Variants in FAM32A observed in about 807,000 individuals in gnomAD.
FAM32A encodes the protein family with sequence similarity 32 member A.
A neutral mutation model predicts 15.8 loss-of-function variants in FAM32A; 9 were observed. That is an observed-to-expected ratio of 0.57 (90% CI 0.34 to 1.00). FAM32A has a LOEUF of 1.00. Among genes scored for constraint, FAM32A ranks in the 50% least tolerant of loss-of-function variants. FAM32A has a pLI of 0.02. For synonymous variants in FAM32A, 64 were observed against 54.9 expected (o/e 1.16, Z -0.73); for missense variants, 113 against 138.3 (o/e 0.82, Z 0.92).
intron 2 of FAM32A, among the ~76,000 whole-genome samples, chr19:16,189,673 T>A: frequency 9.5e-6 from 1 of 105,736 alleles, no homozygotes; most frequent in Non-Finnish European, 2.0e-5. Context: ...CAACTCTTTT[T>A]TTTTTTTTTT....
At chr19:16,185,909 G>A in intron 2 of FAM32A, 144 bp downstream of exon 2, 1 of 1,008,086 alleles carries the variant, frequency 9.9e-7, no homozygotes, top group Non-Finnish European at 1.4e-6. Flanking sequence ...GTACGTGAGT[G>A]AGAGAAGAGT....
intron 2 of FAM32A, among the ~76,000 whole-genome samples, chr19:16,188,421 T>C (rs567862926): frequency 6.6e-6 from 1 of 152,138 alleles, no homozygotes; most frequent in East Asian, 1.9e-4. Context: ...AAAGCTATAG[T>C]TTTAAAGAAG....
rs987167784 is a variant in FAM32A at position 16,191,124 on chromosome 19, T to C, written c.*169T>C. ...CCCTCATTCTGGAACTTGATTAAAG[T>C]AAGATCGTCCTTGTACTCAGTTTAG... On this transcript the variant is annotated 3_prime_UTR_variant, in exon 4 of 4. Transcript: ENST00000263384. The C allele has an allele frequency of 4.7e-6, 3 of 637,510 alleles. No homozygotes were observed. The highest frequency in any genetic ancestry group is 8.6e-6 in the Non-Finnish European group (3 of 350,128). 39.5% of individuals were successfully genotyped at this position (637,510 alleles called of 1,614,324 possible). A position where few individuals can be genotyped will look rare whatever the true frequency, so the allele number is the denominator to read the frequency against.
rs71178652 is a variant in FAM32A, at chr19:16,189,668, C to CTTTTTTTTTTTT, written c.217-837_217-826dup. ...TGGCTTTATATCCCACACTCCAACT[C>CTTTTTTTTTTTT]TTTTTTTTTTTTTTTTTTTTTTTTT... On this transcript the variant is annotated intron_variant, in intron 2 of 3. Transcript: ENST00000263384. 1.6e-3 allele frequency among the ~76,000 whole-genome samples: 91 copies of CTTTTTTTTTTTT among 58,582 alleles called. 10 individuals carry two copies. The highest frequency in any genetic ancestry group is 4.5e-3 in the African/African-American group (67 of 14,768). The allele number at this position is 58,582 out of a possible 152,430, so 38.4% of individuals were successfully genotyped here.
Position 16,188,993 on chromosome 19 carries a change from G to A in FAM32A, c.217-1527G>A, listed in dbSNP as rs138122506. 2.3e-3 allele frequency among the ~76,000 whole-genome samples: 346 copies of A among 150,994 alleles called. 5 individuals are homozygous for A. In the Middle Eastern group the frequency reaches 0.024, roughly 10 times the overall value. ...CTGCAGCATCTAAGATGGCTTTGTC[G>A]CCATATAGCTGGTGCCTCAGTGCTT... On this transcript the variant is annotated intron_variant, in intron 2 of 3. Transcript: ENST00000263384.
rs1286896497 is a variant in FAM32A, at chr19:16,191,837, G to A, written c.*882G>A. ...CAAACAGACAAGGCTGCAGTCAAATGGGAGGGTCCAGGTGTCCGTGTTGGA... is the reference window on the plus strand; with the variant it reads ...CAAACAGACAAGGCTGCAGTCAAATAGGAGGGTCCAGGTGTCCGTGTTGGA... On this transcript the variant is annotated 3_prime_UTR_variant, in exon 4 of 4. Transcript: ENST00000263384. 3 of 152,330 alleles carry A rather than the reference G, an allele frequency of 2.0e-5. No individual in the cohort carries two copies. The highest frequency in any genetic ancestry group is 4.4e-5 in the Non-Finnish European group (3 of 68,114). The allele number at this position is 152,330 out of a possible 1,614,324, so 9.4% of individuals were successfully genotyped here.
Position 16,185,454 on chromosome 19 carries a change from C to T in FAM32A, c.12C>T (p.Tyr4=), listed in dbSNP as rs761898899. 2.4e-5 allele frequency: 38 copies of T among 1,558,500 alleles called. No individual in the cohort carries two copies. The highest frequency in any genetic ancestry group is 3.0e-5 in the Non-Finnish European group (34 of 1,150,822). MEA[Y]EQVQKGPLKL... ...CACTGGAGAGTGTCATGGAGGCCTA[C>T]GAGCAGGTCCAAAAGGGACCCCTGA... is the stretch of plus-strand genomic sequence containing the variant. Residue 4 remains tyrosine (Y), a synonymous_variant, in exon 1 of 4, where the codon TAC becomes TAT. Coordinates refer to ENST00000263384, the MANE Select transcript of FAM32A (RefSeq NM_014077.4).
At chr19:16,189,156 G>A (rs766934130) in intron 2 of FAM32A, among the ~76,000 whole-genome samples, 6 of 151,634 alleles carry the variant, frequency 4.0e-5, no homozygotes, top group African/African-American at 1.2e-4. Flanking sequence ...CCAAGTAGCC[G>A]GGACTACAGG....
chr19:16,191,441 G>T lies in FAM32A; in HGVS notation c.*486G>T. ...CCTATGCTGTCCCCTGCAGGCCCTA[G>T]GGAAGCCACTTGCAACTATGCGGCC... On this transcript the variant is annotated 3_prime_UTR_variant, in exon 4 of 4. Coordinates refer to ENST00000263384, the MANE Select transcript of FAM32A (RefSeq NM_014077.4). The T allele has an allele frequency of 6.4e-6, 1 of 156,956 alleles. No individual in the cohort carries two copies. The highest frequency in any genetic ancestry group is 1.4e-5 in the Non-Finnish European group (1 of 70,676). The allele number at this position is 156,956 out of a possible 1,614,324, so 9.7% of individuals were successfully genotyped here. A position where few individuals can be genotyped will look rare whatever the true frequency, so the allele number is the denominator to read the frequency against.
chr19:16,187,019 TGGACCTTGG>T (rs1433039831), intron 2 of FAM32A, among the ~76,000 whole-genome samples: 1 of 152,150 alleles, frequency 6.6e-6, no homozygotes, highest in East Asian at 1.9e-4. Flanking sequence ...CTGGGGAAAA[TGGACCTTGG>T]GGACAATTAA....
rs370045877 is a variant in FAM32A at position 16,187,397 on chromosome 19, A to C, written c.216+1632A>C. ...TTGCTTGAACCAGTACCCGGGAGGC[A>C]GAGGTTGCAGCGAGCCGAGATCACG... On this transcript the variant is annotated intron_variant, in intron 2 of 3. Coordinates refer to ENST00000263384, the MANE Select transcript of FAM32A (RefSeq NM_014077.4). The C allele has an allele frequency of 1.1e-4, 16 of 151,278 alleles. No individual in the cohort carries two copies. The East Asian group carries it at 3.0e-3, about 29-fold the overall frequency. The allele number at this position is 151,278 out of a possible 1,614,324, so 9.4% of individuals were successfully genotyped here. A position where few individuals can be genotyped will look rare whatever the true frequency, so the allele number is the denominator to read the frequency against.
intron 2 of FAM32A, among the ~76,000 whole-genome samples, chr19:16,188,902 A>T (rs2091395419): frequency 6.6e-6 from 1 of 151,510 alleles, no homozygotes; most frequent in African/African-American, 2.4e-5. Flanking sequence ...GCAGGGTCTG[A>T]CCTCACTTGG....
At chr19:16,186,278 T>C (rs1188026019) in intron 2 of FAM32A, 1 of 154,134 alleles carries the variant, frequency 6.5e-6, no homozygotes, top group Non-Finnish European at 1.4e-5. Context: ...AAGACAACTT[T>C]GTTTGGCAGA....
chr19:16,190,448 C>T (rs1288594703), intron 2 of FAM32A, 72 bp from the exon 3 acceptor site: 5 of 1,083,906 alleles, frequency 4.6e-6, no homozygotes, highest in Non-Finnish European at 6.9e-6. Context: ...GGCCAGGCTC[C>T]ATCTTCCACC....
chr19:16,185,813 G>A (rs1190439689), intron 2 of FAM32A, 48 bp downstream of exon 2: 2 of 1,535,820 alleles, frequency 1.3e-6, no homozygotes, highest in East Asian at 2.5e-5. Context: ...CCCGGCGCCG[G>A]GAGACTGGAA....
intron 2 of FAM32A, among the ~76,000 whole-genome samples, 197 bp from the exon 3 acceptor site, chr19:16,190,323 A>G (rs1185825377): frequency 6.6e-6 from 1 of 152,116 alleles, no homozygotes; most frequent in African/African-American, 2.4e-5. Context: ...CCTGCCACTC[A>G]CGAAGCTGGC....
chr19:16,188,791 C>T (rs1385180742), intron 2 of FAM32A, among the ~76,000 whole-genome samples: 2 of 152,050 alleles, frequency 1.3e-5, no homozygotes, highest in Non-Finnish European at 2.9e-5. Flanking sequence ...GCTGACTGGA[C>T]ACAGGAGGTG....
At chr19:16,185,846 T>C in intron 2 of FAM32A, 81 bp downstream of exon 2, 3 of 1,463,066 alleles carry the variant, frequency 2.1e-6, no homozygotes. Context: ...GCTGGGACGC[T>C]CCGAGGGCAG....
rs554917433 is a variant in FAM32A, at chr19:16,191,034, T to C, written c.*79T>C. On this transcript the variant is annotated 3_prime_UTR_variant, in exon 4 of 4. Transcript: ENST00000263384. ...GGTTGTGTGTGTTTCCTTTGGTATA[T>C]TCTGGAAACATGGCTACACACACCC... 129 of 1,122,122 alleles carry C rather than the reference T, an allele frequency of 1.1e-4. No homozygotes were observed. Among genetic ancestry groups the C allele is most frequent in the Admixed American group, 8.4e-4 (48 of 57,294 alleles). The allele number at this position is 1,122,122 out of a possible 1,614,324, so 69.5% of individuals were successfully genotyped here.
Sources: allele counts gnomAD v4.1 joint callset (sites outside exome capture counted in the v4.1 genomes callset), GRCh38; gene constraint gnomAD v4.1.1; transcripts MANE v1.5; gene names NCBI Gene and HGNC (gene_info 2026-07-23, HGNC 2026-07-21).